SHISA9: variants seen among roughly 807,000 people sequenced by gnomAD.
The protein encoded by SHISA9 is protein shisa-9.
A neutral mutation model predicts 38.0 loss-of-function variants in SHISA9; 13 were observed. The observed-to-expected ratio is 0.34, with a 90% confidence interval of 0.22 to 0.54. The LOEUF (loss-of-function observed/expected upper bound fraction) is 0.54. SHISA9 is among the 20% of genes least tolerant of loss of function. The pLI is 0.91. For missense variants in SHISA9, 538 were observed against 575.8 expected (o/e 0.93, Z 0.67); for synonymous variants, 275 against 242.0 (o/e 1.14, Z -1.27).
chr16:13,246,907 A>T, the SHISA9 span, among the ~76,000 whole-genome samples: 1 of 151,486 alleles, frequency 6.6e-6, no homozygotes, highest in Non-Finnish European at 1.5e-5. Flanking sequence ...TCATTGTAGC[A>T]CTCTGTTTTC....
the SHISA9 span, among the ~76,000 whole-genome samples, chr16:13,341,113 T>C: frequency 6.6e-6 from 1 of 152,196 alleles, no homozygotes; most frequent in Non-Finnish European, 1.5e-5. Flanking sequence ...TTTATTTCTC[T>C]CCACTTCTGT....
At chr16:13,390,634 T>A in the SHISA9 span, among the ~76,000 whole-genome samples, 1 of 152,202 alleles carries the variant, frequency 6.6e-6, no homozygotes, top group Middle Eastern at 3.2e-3. Context: ...CTTTCTTCAG[T>A]CTCATCTGTC....
intron 2 of SHISA9, among the ~76,000 whole-genome samples, chr16:12,984,300 C>T (rs1243598065): frequency 3.3e-5 from 5 of 152,130 alleles, no homozygotes. Flanking sequence ...AATTGAAGCC[C>T]CTGTAATGTA....
chr16:13,406,044 C>T, the SHISA9 span, among the ~76,000 whole-genome samples: 1 of 151,480 alleles, frequency 6.6e-6, no homozygotes, highest in Non-Finnish European at 1.5e-5. Context: ...GAATAATCAA[C>T]AGAATAAACG....
chr16:13,552,986 C>G, the SHISA9 span, among the ~76,000 whole-genome samples: 5 of 152,196 alleles, frequency 3.3e-5, no homozygotes, highest in South Asian at 2.1e-4. Flanking sequence ...GTTCTGTGCA[C>G]TGTGGGATAT....
At chr16:13,487,610 G>A in the SHISA9 span, among the ~76,000 whole-genome samples, 1 of 152,154 alleles carries the variant, frequency 6.6e-6, no homozygotes, top group African/African-American at 2.4e-5. Context: ...TCCAACATTT[G>A]GGATTATAAT....
chr16:13,024,548 T>C (rs2072897831), intron 2 of SHISA9, among the ~76,000 whole-genome samples: 1 of 152,208 alleles, frequency 6.6e-6, no homozygotes. Context: ...CCACCAGTGC[T>C]GGGATTCATG....
the SHISA9 span, among the ~76,000 whole-genome samples, chr16:13,286,811 A>C: frequency 1.3e-5 from 2 of 152,322 alleles, no homozygotes; most frequent in Non-Finnish European, 2.9e-5. Context: ...AAAGCCATAA[A>C]AATGATGCTT....
At chr16:13,513,941 C>T in the SHISA9 span, among the ~76,000 whole-genome samples, 3 of 152,146 alleles carry the variant, frequency 2.0e-5, no homozygotes, top group African/African-American at 7.2e-5. Context: ...ACATGTATAC[C>T]TATGTAACAA....
chr16:12,952,843 C>T lies in SHISA9; in HGVS notation c.691+36028C>T, dbSNP rs1450089306. ...TAAATTACCCAGTCTCAGGGAGTAGCTTTATAGCACTGTGAGAACAACTAA... is the reference window on the plus strand; with the variant it reads ...TAAATTACCCAGTCTCAGGGAGTAGTTTTATAGCACTGTGAGAACAACTAA... On this transcript the variant is annotated intron_variant, in intron 2 of 4. Transcript: ENST00000558583. 2.0e-5 allele frequency among the ~76,000 whole-genome samples: 3 copies of T among 152,108 alleles called. No individual in the cohort carries two copies. In the East Asian group the frequency reaches 5.8e-4, roughly 29 times the overall value.
At chr16:13,538,241 C>T in the SHISA9 span, among the ~76,000 whole-genome samples, 24 of 152,298 alleles carry the variant, frequency 1.6e-4, no homozygotes, top group African/African-American at 4.6e-4. Context: ...AGCAATAGCT[C>T]AGGTCAGGAA....
chr16:13,083,913 C>T (rs949056334), intron 2 of SHISA9, among the ~76,000 whole-genome samples: 11 of 152,080 alleles, frequency 7.2e-5, no homozygotes, highest in African/African-American at 2.7e-4. Context: ...ATGATGGATA[C>T]AATCTGGTTT....
chr16:13,491,203 CT>C, the SHISA9 span, among the ~76,000 whole-genome samples: 1 of 152,102 alleles, frequency 6.6e-6, no homozygotes, highest in African/African-American at 2.4e-5. Flanking sequence ...TTTGCCATGG[CT>C]TTTCCCTCTA....
At chr16:12,944,730 C>G (rs1240504448) in intron 2 of SHISA9, among the ~76,000 whole-genome samples, 1 of 152,170 alleles carries the variant, frequency 6.6e-6, no homozygotes, top group African/African-American at 2.4e-5. Context: ...ACTGTACCCT[C>G]CACACCTCCC....
rs557660258 is a variant in SHISA9 at position 12,991,513 on chromosome 16, T to C, written c.691+74698T>C. Among the ~76,000 whole-genome samples the C allele has an allele frequency of 7.3e-4, 111 of 152,340 alleles. 3 individuals are homozygous for C. In the South Asian group the frequency reaches 0.023, roughly 31 times the overall value. ...GAAGGCTATGAAAGTACCTGAAGTTTGGAGTGTGAATTGAAAACAGAGAAC... is the reference window on the plus strand; with the variant it reads ...GAAGGCTATGAAAGTACCTGAAGTTCGGAGTGTGAATTGAAAACAGAGAAC... On this transcript the variant is annotated intron_variant, in intron 2 of 4. Coordinates refer to ENST00000558583, the MANE Select transcript of SHISA9 (RefSeq NM_001145204.3).
intron 2 of SHISA9, among the ~76,000 whole-genome samples, chr16:13,106,988 C>CTCTCTA (rs1555462297): frequency 0.019 from 2,865 of 151,690 alleles, 48 homozygotes; most frequent in Non-Finnish European, 0.03. Flanking sequence ...CTCTCTCTCT[C>CTCTCTA]TCTCTCTCTC....
chr16:13,226,529 T>C (rs1567256487), intron 4 of SHISA9, among the ~76,000 whole-genome samples: 1 of 152,250 alleles, frequency 6.6e-6, no homozygotes, highest in Non-Finnish European at 1.5e-5. Flanking sequence ...ACTCGGCTCC[T>C]TCTCACCTCA....
At chr16:13,041,310 T>C (rs549861365) in intron 2 of SHISA9, among the ~76,000 whole-genome samples, 2 of 152,286 alleles carry the variant, frequency 1.3e-5, no homozygotes, top group East Asian at 3.9e-4. Flanking sequence ...GGGCTCTAGT[T>C]TTCATAATGG....
the SHISA9 span, among the ~76,000 whole-genome samples, chr16:13,469,389 G>C: frequency 9.8e-6 from 1 of 101,566 alleles, no homozygotes; most frequent in African/African-American, 4.0e-5. Context: ...AAGAAAGAAA[G>C]AAAGAAAGAA....
Sources: gnomAD v4.1 joint callset for allele counts (sites outside exome capture counted in the v4.1 genomes callset) on GRCh38, gnomAD v4.1.1 for gene constraint, MANE v1.5 for transcripts, NCBI Gene and HGNC (gene_info 2026-07-23, HGNC 2026-07-21) for gene names.